Variants in AGBL1 observed in about 807,000 individuals in gnomAD.
AGBL1 encodes the protein AGBL carboxypeptidase 1.
A neutral mutation model predicts 118.9 loss-of-function variants in AGBL1; 130 were observed. The ratio of observed to expected loss-of-function variants is 1.09; its 90% CI spans 0.95 to 1.26. The LOEUF (loss-of-function observed/expected upper bound fraction) is 1.26, where lower values mean the gene tolerates loss of function less well. Ranked by LOEUF, AGBL1 falls within the 50% of genes most tolerant of loss-of-function variation. The pLI, the probability that AGBL1 is intolerant of heterozygous loss-of-function variation, is 0.00. For missense variants in AGBL1, 1,584 were observed against 1,298.1 expected (o/e 1.22, Z -3.38); for synonymous variants, 555 against 478.9 (o/e 1.16, Z -2.08).
At chr15:86,090,730 T>C (rs1038835492) in intron 1 of AGBL1, among the ~76,000 whole-genome samples, 14 of 152,198 alleles carry the variant, frequency 9.2e-5, no homozygotes, top group African/African-American at 3.1e-4. Flanking sequence ...TTACCAAACT[T>C]TTCTTTAATG....
intron 24 of AGBL1, among the ~76,000 whole-genome samples, chr15:87,009,135 C>A (rs1032550123): frequency 6.6e-6 from 1 of 152,126 alleles, no homozygotes; most frequent in Non-Finnish European, 1.5e-5. Flanking sequence ...ACCTCTGCAG[C>A]AGCCCCTCCC....
At chr15:86,708,020 C>A (rs2086483863) in intron 22 of AGBL1, among the ~76,000 whole-genome samples, 1 of 152,064 alleles carries the variant, frequency 6.6e-6, no homozygotes, top group South Asian at 2.1e-4. Flanking sequence ...TTGTTGCCTT[C>A]TTTCATTTTC....
At chr15:86,177,775 G>A (rs1328742369) in intron 5 of AGBL1, among the ~76,000 whole-genome samples, 6 of 152,010 alleles carry the variant, frequency 3.9e-5, no homozygotes, top group Non-Finnish European at 7.3e-5. Context: ...AAAATCTCTG[G>A]GATGCCACAT....
chr15:86,987,452 A>C (rs887985960), intron 23 of AGBL1, among the ~76,000 whole-genome samples: 1 of 152,176 alleles, frequency 6.6e-6, no homozygotes, highest in African/African-American at 2.4e-5. Context: ...CAAATAAGAC[A>C]GTTTATTTCC....
intron 21 of AGBL1, among the ~76,000 whole-genome samples, chr15:86,623,398 G>C (rs1003249893): frequency 6.6e-6 from 1 of 152,202 alleles, no homozygotes; most frequent in Non-Finnish European, 1.5e-5. Context: ...CAGAAGGGCA[G>C]TCTGCAGTGT....
intron 22 of AGBL1, among the ~76,000 whole-genome samples, chr15:86,890,230 C>G (rs1270082073): frequency 6.6e-6 from 1 of 151,548 alleles, no homozygotes; most frequent in Admixed American, 6.6e-5. Context: ...CCTTTGCCCA[C>G]TTTTTAATGT....
At chr15:86,807,831 T>C (rs542378150) in intron 22 of AGBL1, among the ~76,000 whole-genome samples, 1 of 152,210 alleles carries the variant, frequency 6.6e-6, no homozygotes, top group East Asian at 1.9e-4. Flanking sequence ...AAATAAAAAA[T>C]TGTACCTACA....
chr15:86,940,534 T>C (rs1005037724), intron 23 of AGBL1, among the ~76,000 whole-genome samples: 39 of 152,160 alleles, frequency 2.6e-4, no homozygotes, highest in African/African-American at 7.2e-4. Context: ...AGGGAACTTA[T>C]AAGAGTGTTG....
chr15:86,553,790 G>A (rs1460159699), intron 20 of AGBL1, among the ~76,000 whole-genome samples: 1 of 152,142 alleles, frequency 6.6e-6, no homozygotes, highest in Admixed American at 6.5e-5. Flanking sequence ...GAAAGATTAT[G>A]GAGTTGGCCA....
At chr15:86,684,117 A>G (rs1309371955) in intron 22 of AGBL1, among the ~76,000 whole-genome samples, 1 of 152,140 alleles carries the variant, frequency 6.6e-6, no homozygotes, top group African/African-American at 2.4e-5. Flanking sequence ...AGAGGGAGGG[A>G]GGCTAATGAA....
At chr15:86,407,286 C>T (rs1365959430) in intron 18 of AGBL1, among the ~76,000 whole-genome samples, 1 of 152,104 alleles carries the variant, frequency 6.6e-6, no homozygotes, top group Non-Finnish European at 1.5e-5. Context: ...AGGTCAGTCC[C>T]GTGTCTAATA....
At chr15:86,530,443 A>G (rs2083333765) in intron 19 of AGBL1, among the ~76,000 whole-genome samples, 1 of 137,104 alleles carries the variant, frequency 7.3e-6, no homozygotes, top group Non-Finnish European at 1.5e-5. Flanking sequence ...ATACAGGAGC[A>G]CCCAGATTCA....
rs542996094 is a variant in AGBL1 at position 86,756,256 on chromosome 15, G to C, written c.3158+81820G>C. On this transcript the variant is annotated intron_variant, in intron 22 of 22. Transcript: ENST00000614907. ...AGTGCCCCCGCCCCCACCAAAAAAAGAAAAAGACTACACAGCCATTTTCTC... is the reference window on the plus strand; with the variant it reads ...AGTGCCCCCGCCCCCACCAAAAAAACAAAAAGACTACACAGCCATTTTCTC... 2.0e-5 allele frequency among the ~76,000 whole-genome samples: 3 copies of C among 150,914 alleles called. No individual in the cohort carries two copies. The East Asian group carries it at 5.9e-4, about 30-fold the overall frequency.
At chr15:86,322,984 G>C (rs2080127533) in intron 17 of AGBL1, among the ~76,000 whole-genome samples, 1 of 152,094 alleles carries the variant, frequency 6.6e-6, no homozygotes, top group African/African-American at 2.4e-5. Context: ...CAAGCTTTGG[G>C]CTGTTTCTCC....
chr15:86,491,095 C>T (rs112046607), intron 18 of AGBL1, among the ~76,000 whole-genome samples: 59 of 152,022 alleles, frequency 3.9e-4, no homozygotes, highest in African/African-American at 1.2e-3. Context: ...CATATAAGAA[C>T]GAGTTCTATA....
At chr15:86,448,385 C>T (rs1163294487) in intron 18 of AGBL1, among the ~76,000 whole-genome samples, 1 of 152,126 alleles carries the variant, frequency 6.6e-6, no homozygotes, top group African/African-American at 2.4e-5. Flanking sequence ...GACAGGCATC[C>T]CTACTCATGA....
intron 6 of AGBL1, among the ~76,000 whole-genome samples, chr15:86,238,940 C>T (rs930939653): frequency 1.1e-4 from 16 of 152,152 alleles, no homozygotes; most frequent in Non-Finnish European, 2.1e-4. Flanking sequence ...AGGCATGCCC[C>T]TTTCTCTTCA....
intron 15 of AGBL1, among the ~76,000 whole-genome samples, chr15:86,277,940 G>A (rs367881332): frequency 1.4e-4 from 21 of 152,302 alleles, no homozygotes; most frequent in Middle Eastern, 3.4e-3. Context: ...GCTGTTTCCC[G>A]TAAAGAGGAG....
chr15:86,228,036 G>C (rs1452477078), intron 6 of AGBL1, among the ~76,000 whole-genome samples: 1 of 152,176 alleles, frequency 6.6e-6, no homozygotes, highest in East Asian at 1.9e-4. Flanking sequence ...TGCCGTCTTT[G>C]TTTTACCAGC....
Sources: allele counts gnomAD v4.1 joint callset (sites outside exome capture counted in the v4.1 genomes callset), GRCh38; gene constraint gnomAD v4.1.1; transcripts MANE v1.5; gene names NCBI Gene and HGNC (gene_info 2026-07-23, HGNC 2026-07-21).